APIP: variants seen among roughly 807,000 people sequenced by gnomAD.
APIP encodes methylthioribulose-1-phosphate dehydratase.
A neutral mutation model predicts 32.0 loss-of-function variants in APIP; 32 were observed. The ratio of observed to expected loss-of-function variants is 1.00; its 90% CI spans 0.76 to 1.34. APIP has a LOEUF of 1.34. Ranked by LOEUF, APIP falls within the 40% of genes most tolerant of loss-of-function variation. APIP has a pLI of 0.00. For synonymous variants in APIP, 92 were observed against 94.8 expected, an observed-to-expected ratio of 0.97 and a Z score of 0.17; for missense variants, 247 against 298.6, an observed-to-expected ratio of 0.83 and a Z score of 1.27.
intron 1 of APIP, among the ~76,000 whole-genome samples, chr11:34,911,979 T>C (rs889926513): frequency 5.3e-5 from 8 of 152,246 alleles, no homozygotes; most frequent in African/African-American, 1.9e-4. Context: ...TTACTCATGT[T>C]TGCATTTTTC....
At position 34,883,338 on chromosome 11, in the gene APIP, T is replaced by C. The variant is rs766645188; in HGVS notation, c.628A>G (p.Met210Val). The change falls in exon 6 of 7, where the codon ATG becomes GTG. Residue 210 changes from methionine (M) to valine (V), a missense_variant and splice_region_variant. Coordinates refer to ENST00000395787, the MANE Select transcript of APIP (RefSeq NM_015957.4). ...WGETWEKAKT[M>V]CECYDYLFDI... ...CCATGTTCTCTGATTTACACTCACA[T>C]GGTTTTGGCCTTCTCCCATGTTTCC... The C allele has an allele frequency of 1.2e-6, 2 of 1,605,180 alleles. No individual in the cohort carries two copies. The highest frequency in any genetic ancestry group is 2.2e-5 in the East Asian group (1 of 44,576).
intron 1 of APIP, among the ~76,000 whole-genome samples, chr11:34,908,738 T>C (rs544438959): frequency 6.6e-6 from 1 of 152,330 alleles, no homozygotes; most frequent in South Asian, 2.1e-4. Context: ...ATTTCTTATA[T>C]CTGTCTTAAT....
intron 1 of APIP, among the ~76,000 whole-genome samples, chr11:34,907,628 T>C (rs369068333): frequency 6.6e-6 from 1 of 152,202 alleles, no homozygotes; most frequent in African/African-American, 2.4e-5. Context: ...TAACAAGAAT[T>C]GACAAGAAGG....
chr11:34,899,705 G>A (rs1261610752), intron 1 of APIP, among the ~76,000 whole-genome samples: 3 of 152,180 alleles, frequency 2.0e-5, no homozygotes, highest in African/African-American at 4.8e-5. Context: ...GGGGAAGTGC[G>A]ACTAGGCCCA....
intron 1 of APIP, chr11:34,915,860 G>T (rs1285121384): frequency 3.2e-6 from 1 of 315,364 alleles, no homozygotes; most frequent in Non-Finnish European, 5.8e-6. Flanking sequence ...AAAGAAGCTT[G>T]GGGGGCGCGG....
intron 5 of APIP, among the ~76,000 whole-genome samples, chr11:34,884,327 G>A (rs566756601): frequency 1.6e-4 from 24 of 152,326 alleles, no homozygotes; most frequent in African/African-American, 4.3e-4. Flanking sequence ...GGCAAGCACA[G>A]ACTAAGTAGT....
At chr11:34,897,960 T>G (rs755288760) in intron 1 of APIP, among the ~76,000 whole-genome samples, 3 of 152,124 alleles carry the variant, frequency 2.0e-5, no homozygotes, top group Admixed American at 2.0e-4. Flanking sequence ...TCTCTCTGCT[T>G]GGAGCCACCC....
intron 5 of APIP, among the ~76,000 whole-genome samples, chr11:34,883,814 A>G (rs1353373142): frequency 6.6e-6 from 1 of 152,232 alleles, no homozygotes; most frequent in Non-Finnish European, 1.5e-5. Context: ...AGGGACAATC[A>G]TAATATTTAT....
At position 34,910,004 on chromosome 11, in the gene APIP, G is replaced by A. The variant is rs1487162389; in HGVS notation, c.57+6224C>T. 2.0e-5 allele frequency among the ~76,000 whole-genome samples: 3 copies of A among 152,250 alleles called. No homozygotes were observed. In the East Asian group the frequency reaches 5.8e-4, roughly 29 times the overall value. On this transcript the variant is annotated intron_variant, in intron 1 of 6. Transcript: ENST00000395787. Reference sequence around the variant, plus strand: ...TGAGTATGGCAACAGGGTATGAGAGGCTTGACAAGAGAATAAAAGGTATAA... The same window carrying A: ...TGAGTATGGCAACAGGGTATGAGAGACTTGACAAGAGAATAAAAGGTATAA...
chr11:34,906,975 C>A (rs1117446), intron 1 of APIP, among the ~76,000 whole-genome samples: 90,144 of 151,762 alleles, frequency 0.59, 27,969 homozygotes, highest in East Asian at 0.74. Flanking sequence ...GCAAACCGAA[C>A]CACACGTGGA....
intron 1 of APIP, among the ~76,000 whole-genome samples, chr11:34,904,406 G>A (rs1240907123): frequency 6.6e-6 from 1 of 152,184 alleles, no homozygotes; most frequent in African/African-American, 2.4e-5. Context: ...AGACACCTCT[G>A]AAAATTATCC....
In APIP at chr11:34,883,377, C is replaced by T. The variant is rs773115995; in HGVS notation, c.589G>A (p.Val197Ile). Reference sequence around the variant, plus strand: ...TCCCATGTTTCCCCCCACACATATACTCCATGACGTCTGACCAGTACTGCA... The same window carrying T: ...TCCCATGTTTCCCCCCACACATATATTCCATGACGTCTGACCAGTACTGCA... ...SCAVLVRRHG[V>I]YVWGETWEKA... Residue 197 changes from valine to isoleucine, a missense_variant, in exon 6 of 7, where the codon GTA (valine) becomes ATA (isoleucine). Val to Ile is a conservative substitution (Grantham distance 29, BLOSUM62 3). Coordinates refer to ENST00000395787, the MANE Select transcript of APIP (RefSeq NM_015957.4). 1 of 1,613,434 alleles carries T rather than the reference C, an allele frequency of 6.2e-7. No individual in the cohort carries two copies. Among genetic ancestry groups the T allele is most frequent in the Non-Finnish European group, 8.5e-7 (1 of 1,179,868 alleles).
At chr11:34,911,136 G>T (rs1320893636) in intron 1 of APIP, among the ~76,000 whole-genome samples, 5 of 152,120 alleles carry the variant, frequency 3.3e-5, no homozygotes, top group African/African-American at 1.2e-4. Flanking sequence ...CCAAAAAAGT[G>T]TATGGTAAAA....
At chr11:34,898,777 C>A (rs1193795612) in intron 1 of APIP, among the ~76,000 whole-genome samples, 2 of 97,456 alleles carry the variant, frequency 2.1e-5, no homozygotes, top group East Asian at 3.3e-4. Flanking sequence ...CATAGTATTT[C>A]TTTCTTTGGT....
chr11:34,887,011 ACTCC>A (rs1853084380), intron 5 of APIP, among the ~76,000 whole-genome samples: 1 of 151,916 alleles, frequency 6.6e-6, no homozygotes, highest in Non-Finnish European at 1.5e-5. Flanking sequence ...AGAATTTTAA[ACTCC>A]ATCCTTTCTT....
At position 34,888,850 on chromosome 11, in the gene APIP, C is replaced by T. The variant is rs1977420; in HGVS notation, c.227G>A (p.Cys76Tyr). 0.36 allele frequency: 539,701 copies of T among 1,483,658 alleles called. 102,465 individuals carry two copies. The highest frequency in any genetic ancestry group is 0.72 in the East Asian group (26,961 of 37,300). 91.9% of individuals were successfully genotyped at this position (1,483,658 alleles called of 1,614,324 possible). A position where few individuals can be genotyped will look rare whatever the true frequency, so the allele number is the denominator to read the frequency against. Residue 76 changes from cysteine to tyrosine, a missense_variant, in exon 4 of 7, where the codon TGT (cysteine) becomes TAT (tyrosine). Coordinates refer to ENST00000395787, the MANE Select transcript of APIP (RefSeq NM_015957.4). ...ACTTATGTCCTTTTCATTTATATCA[C>T]AAACAAACATGTCTTCAGGCTATTT... ...ERIQPEDMFV[C>Y]DINEKDISGP...
chr11:34,896,942 G>T, intron 1 of APIP: 1 of 549,160 alleles, frequency 1.8e-6, no homozygotes, highest in Non-Finnish European at 3.0e-6. Context: ...CCCCACTGAG[G>T]TCTACCTTCA....
chr11:34,888,662 C>G (rs1853127081), intron 4 of APIP, 90 bp downstream of exon 4: 6 of 1,199,800 alleles, frequency 5.0e-6, no homozygotes, highest in Middle Eastern at 2.8e-4. Flanking sequence ...TGGTGGGTAT[C>G]CAAGAAATGT....
intron 1 of APIP, among the ~76,000 whole-genome samples, chr11:34,912,185 G>A (rs888280857): frequency 1.3e-5 from 2 of 152,132 alleles, no homozygotes; most frequent in Non-Finnish European, 2.9e-5. Context: ...GATGCCTGAA[G>A]AATCTTTAGA....
Sources: allele counts gnomAD v4.1 joint callset (sites outside exome capture counted in the v4.1 genomes callset), GRCh38; gene constraint gnomAD v4.1.1; transcripts MANE v1.5; gene names NCBI Gene and HGNC (gene_info 2026-07-23, HGNC 2026-07-21).